TMEM232: variants seen among roughly 807,000 people sequenced by gnomAD.
The protein encoded by TMEM232 is transmembrane protein 232.
Under a neutral mutation model 78.8 loss-of-function variants are expected in TMEM232, and 80 were observed. The observed-to-expected ratio is 1.01, with a 90% confidence interval of 0.85 to 1.22. The LOEUF is 1.22. Ranked by LOEUF, TMEM232 falls within the 50% of genes most tolerant of loss-of-function variation. TMEM232 has a pLI of 0.00. For synonymous variants in TMEM232, 297 were observed against 254.3 expected (o/e 1.17, Z -1.60); for missense variants, 881 against 742.2 (o/e 1.19, Z -2.17).
At chr5:110,503,935 A>G (rs1766565639) in intron 12 of TMEM232, among the ~76,000 whole-genome samples, 1 of 152,186 alleles carries the variant, frequency 6.6e-6, no homozygotes, top group Non-Finnish European at 1.5e-5. Flanking sequence ...AAGGACATGG[A>G]ATAATTGGTT....
At chr5:110,623,750 A>T (rs1050398098) in intron 7 of TMEM232, among the ~76,000 whole-genome samples, 1 of 152,078 alleles carries the variant, frequency 6.6e-6, no homozygotes, top group African/African-American at 2.4e-5. Context: ...ATATTACGAG[A>T]TAAGAGGAGG....
At chr5:110,488,926 A>G (rs879934505) in intron 12 of TMEM232, among the ~76,000 whole-genome samples, 47 of 152,150 alleles carry the variant, frequency 3.1e-4, no homozygotes, top group Admixed American at 1.3e-3. Context: ...CAGTATGAAC[A>G]ATCATATGGC....
chr5:110,517,623 G>T (rs1418142351), intron 12 of TMEM232, among the ~76,000 whole-genome samples: 1 of 152,158 alleles, frequency 6.6e-6, no homozygotes, highest in Non-Finnish European at 1.5e-5. Context: ...TAGACTATGT[G>T]AATGGTGCAG....
intron 8 of TMEM232, among the ~76,000 whole-genome samples, chr5:110,614,305 G>A (rs1233253014): frequency 6.6e-6 from 1 of 152,082 alleles, no homozygotes; most frequent in African/African-American, 2.4e-5. Context: ...GTTGAATGAT[G>A]CATTGGAGAG....
chr5:110,398,890 G>T (rs1755489490), intron 2 of TMEM232, among the ~76,000 whole-genome samples: 1 of 152,072 alleles, frequency 6.6e-6, no homozygotes, highest in East Asian at 1.9e-4. Flanking sequence ...GGGGCAAGAT[G>T]GTTCTGGTGT....
chr5:110,520,270 AT>A (rs1340560060), intron 12 of TMEM232, among the ~76,000 whole-genome samples: 2 of 152,074 alleles, frequency 1.3e-5, no homozygotes, highest in African/African-American at 4.8e-5. Flanking sequence ...AATATCACAC[AT>A]ACTCCATTAA....
At chr5:110,519,246 A>G (rs980096845) in intron 12 of TMEM232, among the ~76,000 whole-genome samples, 2 of 152,202 alleles carry the variant, frequency 1.3e-5, no homozygotes, top group African/African-American at 2.4e-5. Flanking sequence ...GACTTCCAAC[A>G]ATCAAAACAG....
rs1554069154 is a variant in TMEM232, at chr5:110,652,294, G to GCGCACACACACACACACACACA, written c.126-9924_126-9923insTGTGTGTGTGTGTGTGTGTGCG. ...CAAGCACACAAAAGTGCACGCGCGCGCACACACACACACACACACACACAC... is the reference window on the plus strand; with the variant it reads ...CAAGCACACAAAAGTGCACGCGCGCGCGCACACACACACACACACACACACACACACACACACACACACACAC... On this transcript the variant is annotated intron_variant, in intron 2 of 13. Coordinates refer to ENST00000455884, the MANE Select transcript of TMEM232 (RefSeq NM_001039763.4). 2.4e-3 allele frequency among the ~76,000 whole-genome samples: 353 copies of GCGCACACACACACACACACACA among 145,444 alleles called. 3 individuals carry two copies. Among genetic ancestry groups the GCGCACACACACACACACACACA allele is most frequent in the African/African-American group, 8.2e-3 (318 of 38,918 alleles).
chr5:110,550,418 C>T (rs1219184118), intron 11 of TMEM232, among the ~76,000 whole-genome samples: 1 of 151,800 alleles, frequency 6.6e-6, no homozygotes, highest in African/African-American at 2.4e-5. Flanking sequence ...AGTGGCTAAA[C>T]AGTAAAATAA....
rs186782022 is a variant in TMEM232 at position 110,685,923 on chromosome 5, T to C, written c.-12-18559A>G. ...TGTACATACTATGTGATTTCATATATGAGAAATTCAAGCACAGACAAAACT... is the reference window on the plus strand; with the variant it reads ...TGTACATACTATGTGATTTCATATACGAGAAATTCAAGCACAGACAAAACT... On this transcript the variant is annotated intron_variant, in intron 1 of 13. Coordinates refer to ENST00000455884, the MANE Select transcript of TMEM232 (RefSeq NM_001039763.4). Among the ~76,000 whole-genome samples the C allele has an allele frequency of 1.9e-3, 294 of 152,164 alleles. 2 individuals are homozygous for C. Among genetic ancestry groups the C allele is most frequent in the African/African-American group, 6.7e-3 (277 of 41,508 alleles).
intron 12 of TMEM232, among the ~76,000 whole-genome samples, chr5:110,523,456 T>C (rs1581063058): frequency 6.6e-6 from 1 of 152,186 alleles, no homozygotes; most frequent in Non-Finnish European, 1.5e-5. Flanking sequence ...TTCTAGGTCC[T>C]TGAGGTGTAA....
chr5:110,626,320 G>A (rs574013642), intron 6 of TMEM232, among the ~76,000 whole-genome samples: 1 of 152,120 alleles, frequency 6.6e-6, no homozygotes, highest in Admixed American at 6.6e-5. Flanking sequence ...TGAACACTGT[G>A]AGGAGTTAAG....
At chr5:110,492,288 T>C (rs903789360) in intron 12 of TMEM232, among the ~76,000 whole-genome samples, 7 of 151,894 alleles carry the variant, frequency 4.6e-5, no homozygotes, top group South Asian at 2.1e-4. Context: ...GGTAATCTTA[T>C]ACATGCACAT....
At chr5:110,520,677 T>C (rs1390027344) in intron 12 of TMEM232, among the ~76,000 whole-genome samples, 1 of 152,186 alleles carries the variant, frequency 6.6e-6, no homozygotes, top group Non-Finnish European at 1.5e-5. Flanking sequence ...CCCAGCACTT[T>C]GGGAGGCCGA....
intron 2 of TMEM232, among the ~76,000 whole-genome samples, chr5:110,399,087 C>G (rs977785944): frequency 2.6e-5 from 4 of 151,900 alleles, no homozygotes; most frequent in African/African-American, 9.7e-5. Flanking sequence ...GTAGCAGGTT[C>G]TCTGGTCTGC....
chr5:110,462,200 C>G (rs1280470512), intron 12 of TMEM232, among the ~76,000 whole-genome samples: 1 of 152,098 alleles, frequency 6.6e-6, no homozygotes, highest in Non-Finnish European at 1.5e-5. Flanking sequence ...GGGAGGAGGT[C>G]AAAACATCAA....
intron 2 of TMEM232, among the ~76,000 whole-genome samples, chr5:110,647,664 A>C (rs2150044215): frequency 6.6e-6 from 1 of 152,068 alleles, no homozygotes; most frequent in African/African-American, 2.4e-5. Context: ...TCAGCTCCTA[A>C]AGTTCAATTG....
At chr5:110,481,823 C>T (rs1057357609) in intron 12 of TMEM232, among the ~76,000 whole-genome samples, 5 of 152,084 alleles carry the variant, frequency 3.3e-5, no homozygotes, top group Non-Finnish European at 7.4e-5. Context: ...AGCTGTGGAA[C>T]CAGTAAGTAT....
At chr5:110,660,088 G>A (rs1007281022) in intron 2 of TMEM232, among the ~76,000 whole-genome samples, 1 of 152,012 alleles carries the variant, frequency 6.6e-6, no homozygotes, top group African/African-American at 2.4e-5. Flanking sequence ...TCAAATCTAA[G>A]TAAGATAATT....
Sources: gnomAD v4.1 joint callset for allele counts (sites outside exome capture counted in the v4.1 genomes callset) on GRCh38, gnomAD v4.1.1 for gene constraint, MANE v1.5 for transcripts, NCBI Gene and HGNC (gene_info 2026-07-23, HGNC 2026-07-21) for gene names.